UPF2: variants seen among roughly 807,000 people sequenced by gnomAD.
UPF2 encodes UPF2 regulator of nonsense mediated mRNA decay.
A neutral mutation model predicts 141.4 loss-of-function variants in UPF2; 17 were observed. That is an observed-to-expected ratio of 0.12 (90% CI 0.08 to 0.18). UPF2 has a LOEUF of 0.18. Ranked by LOEUF, UPF2 falls within the 10% of genes least tolerant of loss-of-function variation. The pLI is 1.00. For missense variants in UPF2, 1,152 were observed against 1,515.9 expected, an observed-to-expected ratio of 0.76 and a Z score of 3.99; for synonymous variants, 540 against 498.0, an observed-to-expected ratio of 1.08 and a Z score of -1.12.
intron 20 of UPF2, among the ~76,000 whole-genome samples, chr10:11,930,801 C>T (rs901147654): frequency 1.3e-5 from 2 of 152,042 alleles, no homozygotes; most frequent in African/African-American, 4.8e-5. Context: ...TGTTGGGTAT[C>T]GACTGGGAGA....
rs1270834957 is a variant in UPF2 at position 11,932,679 on chromosome 10, C to T, written c.3547-897G>A. On this transcript the variant is annotated intron_variant, in intron 19 of 21. Transcript: ENST00000357604. ...TGCTAAGATACTATTAACAGAGACA[C>T]ACTACTTTATAGCAAATTAGATGAT... 2.6e-5 allele frequency among the ~76,000 whole-genome samples: 4 copies of T among 152,146 alleles called. No individual in the cohort carries two copies. In the South Asian group the frequency reaches 6.2e-4, roughly 24 times the overall value.
At chr10:12,009,575 A>G (rs7899260) in intron 4 of UPF2, among the ~76,000 whole-genome samples, 9,524 of 152,296 alleles carry the variant, frequency 0.063, 365 homozygotes, top group Non-Finnish European at 0.09. Flanking sequence ...GACATCAGGC[A>G]GTATAGGAAA....
chr10:12,009,653 A>AT (rs1275714303), intron 4 of UPF2, among the ~76,000 whole-genome samples: 1 of 152,128 alleles, frequency 6.6e-6, no homozygotes, highest in African/African-American at 2.4e-5. Flanking sequence ...TCATAAAGAG[A>AT]TTTTTCCAGG....
At chr10:11,983,073 C>T (rs180854483) in intron 8 of UPF2, among the ~76,000 whole-genome samples, 1 of 152,316 alleles carries the variant, frequency 6.6e-6, no homozygotes, top group East Asian at 1.9e-4. Flanking sequence ...GGAACATAGG[C>T]AGGTGCTCAA....
At chr10:11,987,118 T>C (rs755428394) in intron 8 of UPF2, among the ~76,000 whole-genome samples, 13 of 152,250 alleles carry the variant, frequency 8.5e-5, no homozygotes, top group South Asian at 2.1e-4. Flanking sequence ...AGGGGCCTTC[T>C]GAGGTGCTGG....
At chr10:11,970,968 C>T (rs1352902723) in intron 9 of UPF2, among the ~76,000 whole-genome samples, 2 of 151,946 alleles carry the variant, frequency 1.3e-5, no homozygotes, top group African/African-American at 4.8e-5. Context: ...AGTATCACAC[C>T]ATTTTAAGCA....
rs574038412 is a variant in UPF2 at position 11,939,798 on chromosome 10, T to G, written c.3378+2867A>C. Among the ~76,000 whole-genome samples, 2 of 152,346 alleles carry G rather than the reference T, an allele frequency of 1.3e-5. No individual in the cohort carries two copies. The highest frequency in any genetic ancestry group is 4.1e-4 in the South Asian group (2 of 4,830). ...TCCCAAAGTGCTGGGATTACAGGTG[T>G]GAGCCACAGTGCCCAGCCATGTTTT... is the stretch of plus-strand genomic sequence containing the variant. On this transcript the variant is annotated intron_variant, in intron 18 of 21. Transcript: ENST00000357604. The surrounding 1 kb of genome is among the most constrained non-coding windows in gnomAD (Gnocchi z 4.8).
At position 11,956,827 on chromosome 10, in the gene UPF2, C is replaced by T. The variant is rs73571365; in HGVS notation, c.2371-304G>A. ...CCAATCAGGAGTTTGGAGTAGGTTT[C>T]TTTTTCCCCCCCAGACACAGTCTCA... is the stretch of plus-strand genomic sequence containing the variant. On this transcript the variant is annotated intron_variant, in intron 12 of 21. Coordinates refer to ENST00000357604, the MANE Select transcript of UPF2 (RefSeq NM_015542.4). The surrounding 1 kb of genome is among the most constrained non-coding windows in gnomAD (Gnocchi z 4.2). 0.06 allele frequency among the ~76,000 whole-genome samples: 9,057 copies of T among 151,924 alleles called. 328 individuals carry two copies. The highest frequency in any genetic ancestry group is 0.085 in the Non-Finnish European group (5,751 of 67,936).
rs184192138 is a variant in UPF2 at position 11,921,728 on chromosome 10, T to C, written c.3810-421A>G. Among the ~76,000 whole-genome samples, 1 of 152,156 alleles carries C rather than the reference T, an allele frequency of 6.6e-6. No homozygotes were observed. The highest frequency in any genetic ancestry group is 1.5e-5 in the Non-Finnish European group (1 of 68,040). ...TACCGAGGACAACTGTAGTGCTTTTTTGAGAGCATTCATGCTCTCTACTGA... is the reference window on the plus strand; with the variant it reads ...TACCGAGGACAACTGTAGTGCTTTTCTGAGAGCATTCATGCTCTCTACTGA... On this transcript the variant is annotated intron_variant, in intron 21 of 21. Transcript: ENST00000357604. The surrounding 1 kb of genome is among the most constrained non-coding windows in gnomAD (Gnocchi z 5.9).
intron 8 of UPF2, among the ~76,000 whole-genome samples, chr10:11,995,354 G>C (rs183086303): frequency 6.6e-6 from 1 of 152,322 alleles, no homozygotes; most frequent in African/African-American, 2.4e-5. Flanking sequence ...AGCTAGCTAA[G>C]AAAGGGCATT....
At chr10:11,942,327 C>T (rs901415875) in intron 18 of UPF2, among the ~76,000 whole-genome samples, 1 of 151,978 alleles carries the variant, frequency 6.6e-6, no homozygotes, top group Non-Finnish European at 1.5e-5. Context: ...GAGCTGAGAT[C>T]GTGCCACTGC....
rs1052204289 is a variant in UPF2, at chr10:11,997,688, T to C, written c.1828A>G (p.Ile610Val). 4.3e-6 allele frequency: 7 copies of C among 1,613,864 alleles called. No homozygotes were observed. The highest frequency in any genetic ancestry group is 5.9e-6 in the Non-Finnish European group (7 of 1,179,864). The change falls in exon 8 of 22, where the codon ATA becomes GTA. Residue 610 changes from isoleucine (I) to valine (V), a missense_variant. By Grantham distance (29) the Ile-to-Val change is conservative. Coordinates refer to ENST00000357604, the MANE Select transcript of UPF2 (RefSeq NM_015542.4). The part of the protein sequence containing the change: ...NRKKLVRALF[I>V]VPRQRLDLLP... ...AACACTTACCTTTGTCTAGGAACTA[T>C]GAAGAGTGCCCGTACCAACTTCTTC... is the stretch of plus-strand genomic sequence containing the variant.
intron 8 of UPF2, among the ~76,000 whole-genome samples, chr10:11,981,275 G>C (rs774670457): frequency 2.6e-5 from 4 of 152,110 alleles, no homozygotes; most frequent in Non-Finnish European, 4.4e-5. Context: ...AAAAACTTGG[G>C]CTATTATAAT....
At chr10:11,927,466 G>C (rs1380497959) in intron 21 of UPF2, among the ~76,000 whole-genome samples, 2 of 152,170 alleles carry the variant, frequency 1.3e-5, no homozygotes, top group East Asian at 1.9e-4. Flanking sequence ...GGTCTCTGAT[G>C]ATGAGACAGG....
At chr10:12,023,773 T>C (rs899113385) in intron 3 of UPF2, among the ~76,000 whole-genome samples, 8 of 150,836 alleles carry the variant, frequency 5.3e-5, no homozygotes, top group African/African-American at 2.0e-4. Context: ...GGCAGGTGGC[T>C]TGAGCTCAGG....
rs947669847 is a variant in UPF2, at chr10:11,966,615, G to T, written c.2067+726C>A. The stretch of plus-strand genomic sequence containing the variant: ...AATTTTGTATTTTTAGTAGAGACGG[G>T]GTTTCTCCATGTTGGTCAGGCTGGT... On this transcript the variant is annotated intron_variant, in intron 10 of 21. Transcript: ENST00000357604. 1.6e-3 allele frequency among the ~76,000 whole-genome samples: 236 copies of T among 152,130 alleles called. 1 individual carries two copies. Among genetic ancestry groups the T allele is most frequent in the African/African-American group, 5.3e-3 (218 of 41,494 alleles).
chr10:11,998,274 A>G lies in UPF2; in HGVS notation c.1759-517T>C, dbSNP rs1369734447. ...AAATGGCGCTCTCTCTCTCTCTCCAAGATGCCTTAACTGACAGAGGAGAAT... is the reference window on the plus strand; with the variant it reads ...AAATGGCGCTCTCTCTCTCTCTCCAGGATGCCTTAACTGACAGAGGAGAAT... On this transcript the variant is annotated intron_variant, in intron 7 of 21. Coordinates refer to ENST00000357604, the MANE Select transcript of UPF2 (RefSeq NM_015542.4). This position sits in a 1 kb window ranked among gnomAD's most constrained non-coding sequence, Gnocchi z 4.5. Among the ~76,000 whole-genome samples the G allele has an allele frequency of 6.6e-6, 1 of 152,118 alleles. No individual in the cohort carries two copies. The highest frequency in any genetic ancestry group is 1.5e-5 in the Non-Finnish European group (1 of 68,022).
At chr10:12,015,722 A>C (rs747193068) in intron 3 of UPF2, among the ~76,000 whole-genome samples, 3 of 152,136 alleles carry the variant, frequency 2.0e-5, no homozygotes, top group Non-Finnish European at 4.4e-5. Context: ...TAAATAAATA[A>C]ATACTATAAC....
intron 15 of UPF2, among the ~76,000 whole-genome samples, chr10:11,948,925 C>T (rs139006101): frequency 6.6e-6 from 1 of 152,258 alleles, no homozygotes; most frequent in East Asian, 1.9e-4. Context: ...ACTCAAAAGA[C>T]ATGAAAAAAA....
Sources: allele counts gnomAD v4.1 joint callset (sites outside exome capture counted in the v4.1 genomes callset), GRCh38; gene constraint gnomAD v4.1.1; non-coding constraint Gnocchi (gnomAD v3.1); transcripts MANE v1.5; gene names NCBI Gene and HGNC (gene_info 2026-07-23, HGNC 2026-07-21).